Variants in CEP152 observed in about 807,000 individuals in gnomAD.
CEP152 encodes centrosomal protein of 152 kDa.
In CEP152, 132 loss-of-function variants were observed where a neutral mutation model predicts 188.9. The ratio of observed to expected loss-of-function variants is 0.70; its 90% CI spans 0.61 to 0.81. CEP152 has a LOEUF of 0.81. Ranked by LOEUF, CEP152 falls within the 30% of genes least tolerant of loss-of-function variation. CEP152 has a pLI of 0.00. For synonymous variants in CEP152, 649 were observed against 666.6 expected (o/e 0.97, Z 0.41); for missense variants, 1,914 against 1,969.8 (o/e 0.97, Z 0.54).
At chr15:48,744,868 A>AGCTATTT in intron 23 of CEP152, 28 bp downstream of exon 23, 2 of 1,570,204 alleles carry the variant, frequency 1.3e-6, no homozygotes, top group Non-Finnish European at 1.7e-6. Context: ...TTTCTTTAAA[A>AGCTATTT]TAGCACTTTA....
chr15:48,741,120 C>A (rs2140559862), intron 26 of CEP152: 1 of 993,492 alleles, frequency 1.0e-6, no homozygotes, highest in South Asian at 4.3e-5. Flanking sequence ...TCTGGTCTAT[C>A]CACTGCAAAC....
chr15:48,783,791 G>GTATA (rs750692754), intron 10 of CEP152, 182 bp downstream of exon 10: 4 of 155,128 alleles, frequency 2.6e-5, no homozygotes, highest in East Asian at 4.2e-4. Flanking sequence ...ATATATATAT[G>GTATA]TATATATATA....
chr15:48,772,033 C>T (rs559556931), intron 13 of CEP152, among the ~76,000 whole-genome samples: 7 of 152,284 alleles, frequency 4.6e-5, no homozygotes, highest in Admixed American at 2.0e-4. Context: ...GTCAGTATCC[C>T]TTTAAAAATG....
chr15:48,739,302 G>T lies in CEP152; in HGVS notation c.4094-14C>A, dbSNP rs753788640. ...TTAGGGGCAGTGCTATTATGTGCAA[G>T]GAAACACGAAATTAAGAGAAAATTA... On this transcript the variant is annotated splice_polypyrimidine_tract_variant and intron_variant, in intron 26 of 26. Transcript: ENST00000380950. The T allele has an allele frequency of 3.2e-6, 5 of 1,586,746 alleles. No homozygotes were observed. In the South Asian group the frequency reaches 6.0e-5, roughly 19 times the overall value.
chr15:48,791,840 T>C (rs974667745), intron 7 of CEP152, among the ~76,000 whole-genome samples: 3 of 151,178 alleles, frequency 2.0e-5, no homozygotes, highest in African/African-American at 7.3e-5. Context: ...TTATTAAAAA[T>C]TAAAAATTAA....
At chr15:48,757,765 A>C (rs1030873173) in intron 19 of CEP152, among the ~76,000 whole-genome samples, 1 of 152,218 alleles carries the variant, frequency 6.6e-6, no homozygotes, top group African/African-American at 2.4e-5. Flanking sequence ...TGAGCTTTAC[A>C]AAAGAATTCA....
chr15:48,808,325 C>G (rs1855497618), intron 1 of CEP152, among the ~76,000 whole-genome samples: 1 of 147,750 alleles, frequency 6.8e-6, no homozygotes. Context: ...GAAACCTAAC[C>G]ACAAAAAATA....
At chr15:48,790,820 G>A (rs905718961) in intron 8 of CEP152, among the ~76,000 whole-genome samples, 12 of 152,134 alleles carry the variant, frequency 7.9e-5, no homozygotes, top group African/African-American at 1.2e-4. Flanking sequence ...CGACCGCCTC[G>A]GCTTCCCAAA....
chr15:48,738,430 T>C lies in CEP152; in HGVS notation c.4952A>G (p.Lys1651Arg). 6.2e-7 allele frequency: 1 copy of C among 1,614,208 alleles called. No individual in the cohort carries two copies. The highest frequency in any genetic ancestry group is 2.2e-5 in the East Asian group (1 of 44,880). The part of the protein sequence containing the change: ...SEETTYLEPG[K>R]ISVNCGHPSR... ...TGGGTGTCCACAATTCACACTGATC[T>C]TTCCTGGCTCCAAATACGTGGTTTC... is the stretch of plus-strand genomic sequence containing the variant. The change falls in exon 27 of 27, where the codon AAG (lysine) becomes AGG (arginine). Residue 1651 changes from lysine (K) to arginine (R), a missense_variant. Transcript: ENST00000380950.
chr15:48,771,344 A>T (rs1125537), intron 13 of CEP152, among the ~76,000 whole-genome samples: 50,947 of 152,060 alleles, frequency 0.34, 12,011 homozygotes, highest in African/African-American at 0.63. Context: ...ATGACTGACA[A>T]AACCAGATTT....
intron 8 of CEP152, among the ~76,000 whole-genome samples, chr15:48,789,586 C>A (rs1332954818): frequency 2.0e-5 from 3 of 152,150 alleles, no homozygotes; most frequent in African/African-American, 7.2e-5. Flanking sequence ...ATTAATATGG[C>A]TAATTAGATT....
intron 5 of CEP152, 64 bp downstream of exon 5, chr15:48,797,237 C>T: frequency 1.3e-6 from 2 of 1,576,050 alleles, no homozygotes; most frequent in Non-Finnish European, 8.7e-7. Flanking sequence ...CCTGAACACA[C>T]ACAAACATCA....
At chr15:48,753,846 A>G (rs1894068623) in intron 20 of CEP152, among the ~76,000 whole-genome samples, 1 of 152,126 alleles carries the variant, frequency 6.6e-6, no homozygotes, top group Non-Finnish European at 1.5e-5. Flanking sequence ...TGAAAGCTAT[A>G]TTTTTCATTC....
intron 6 of CEP152, among the ~76,000 whole-genome samples, chr15:48,795,537 T>C (rs1373567937): frequency 6.6e-6 from 1 of 152,198 alleles, no homozygotes; most frequent in Non-Finnish European, 1.5e-5. Context: ...TTCAAATAAG[T>C]CCAGGTATCC....
At chr15:48,746,328 C>T (rs1258864116) in intron 22 of CEP152, among the ~76,000 whole-genome samples, 2 of 152,012 alleles carry the variant, frequency 1.3e-5, no homozygotes, top group African/African-American at 2.4e-5. Context: ...TAGTATGGTG[C>T]TAAATATTAT....
chr15:48,805,919 G>GTT (rs1386665038), intron 1 of CEP152, among the ~76,000 whole-genome samples: 1 of 152,122 alleles, frequency 6.6e-6, no homozygotes, highest in African/African-American at 2.4e-5. Flanking sequence ...GTATAAAACA[G>GTT]TAAGATTTTT....
intron 1 of CEP152, among the ~76,000 whole-genome samples, chr15:48,806,095 CAAG>C (rs1897969363): frequency 1.3e-5 from 2 of 152,132 alleles, no homozygotes; most frequent in East Asian, 1.9e-4. Context: ...TCATGCTTTA[CAAG>C]AAGAAGGCCC....
At chr15:48,802,484 A>G (rs1169867952) in intron 2 of CEP152, among the ~76,000 whole-genome samples, 1 of 152,196 alleles carries the variant, frequency 6.6e-6, no homozygotes, top group East Asian at 1.9e-4. Context: ...GTTTCAGTTG[A>G]AACACTGTGA....
intron 21 of CEP152, among the ~76,000 whole-genome samples, chr15:48,749,282 G>C (rs1178631105): frequency 6.6e-6 from 1 of 152,024 alleles, no homozygotes; most frequent in Non-Finnish European, 1.5e-5. Flanking sequence ...AACATGCTTA[G>C]TGCCAACTGG....
Sources: allele counts gnomAD v4.1 joint callset (sites outside exome capture counted in the v4.1 genomes callset), GRCh38; gene constraint gnomAD v4.1.1; transcripts MANE v1.5; gene names NCBI Gene and HGNC (gene_info 2026-07-23, HGNC 2026-07-21).